Variants in CADPS2 observed in about 807,000 individuals in gnomAD.
CADPS2 encodes calcium-dependent secretion activator 2.
CADPS2 carries 93 observed loss-of-function variants against 172.5 expected under a neutral mutation model. The ratio of observed to expected loss-of-function variants is 0.54; its 90% CI spans 0.46 to 0.64. The LOEUF is 0.64. Among genes scored for constraint, CADPS2 ranks in the 30% least tolerant of loss-of-function variants. The pLI, the probability that CADPS2 is intolerant of heterozygous loss-of-function variation, is 0.00. For synonymous variants in CADPS2, 546 were observed against 555.2 expected (o/e 0.98, Z 0.23); for missense variants, 1,420 against 1,565.9 (o/e 0.91, Z 1.57).
chr7:122,640,790 C>T (rs1054578312), intron 3 of CADPS2, among the ~76,000 whole-genome samples: 13 of 151,914 alleles, frequency 8.6e-5, no homozygotes, highest in Non-Finnish European at 1.6e-4. Context: ...AAAAATTAGC[C>T]GGACTTGGCG....
intron 1 of CADPS2, among the ~76,000 whole-genome samples, chr7:122,759,002 A>G (rs1355945855): frequency 2.0e-5 from 1 of 50,932 alleles, no homozygotes; most frequent in Non-Finnish European, 3.2e-5. Context: ...TTATTTCAGG[A>G]AAAAAAAAAA....
intron 1 of CADPS2, among the ~76,000 whole-genome samples, chr7:122,784,589 A>C (rs1023998360): frequency 2.6e-5 from 4 of 152,238 alleles, no homozygotes; most frequent in Non-Finnish European, 4.4e-5. Context: ...AGTTGAAAGT[A>C]AGATTCTTGG....
chr7:122,806,604 A>G (rs576256481), intron 1 of CADPS2, among the ~76,000 whole-genome samples: 6 of 152,360 alleles, frequency 3.9e-5, no homozygotes, highest in African/African-American at 1.4e-4. Flanking sequence ...TCTTTCTCTC[A>G]CAGCTTAACA....
At chr7:122,700,977 T>C (rs2085960765) in intron 2 of CADPS2, among the ~76,000 whole-genome samples, 1 of 152,102 alleles carries the variant, frequency 6.6e-6, no homozygotes, top group African/African-American at 2.4e-5. Context: ...GGAAACTAGA[T>C]TTCCTGGGTA....
At chr7:122,681,401 C>A in intron 2 of CADPS2, 1 of 1,499,008 alleles carries the variant, frequency 6.7e-7, no homozygotes, top group Non-Finnish European at 9.2e-7. Context: ...GTGCCCGATG[C>A]GTGCCCAAGG....
intron 2 of CADPS2, among the ~76,000 whole-genome samples, chr7:122,717,054 T>C (rs532151024): frequency 1.3e-5 from 2 of 152,306 alleles, no homozygotes; most frequent in East Asian, 3.9e-4. Flanking sequence ...ATGAGCTAAA[T>C]GGCAAAACAA....
chr7:122,544,655 C>T (rs2131719214), intron 8 of CADPS2, among the ~76,000 whole-genome samples: 1 of 152,186 alleles, frequency 6.6e-6, no homozygotes, highest in Admixed American at 6.5e-5. Flanking sequence ...CCATGTGTGT[C>T]CTCATGGTGA....
intron 2 of CADPS2, among the ~76,000 whole-genome samples, chr7:122,719,567 A>G (rs1002836761): frequency 3.3e-5 from 5 of 152,162 alleles, no homozygotes; most frequent in Non-Finnish European, 7.4e-5. Context: ...GGTTAAGTGT[A>G]TTTAATACTT....
intron 14 of CADPS2, among the ~76,000 whole-genome samples, chr7:122,464,266 A>G (rs1456913235): frequency 1.3e-5 from 2 of 152,230 alleles, no homozygotes; most frequent in Non-Finnish European, 2.9e-5. Context: ...TTCAATAGCT[A>G]CAGCAGGAAC....
At chr7:122,355,582 T>TAA (rs11348437) in intron 27 of CADPS2, among the ~76,000 whole-genome samples, 1 of 142,346 alleles carries the variant, frequency 7.0e-6, no homozygotes, top group Non-Finnish European at 1.5e-5. Context: ...GCTGTCTTAT[T>TAA]AAAAAAAAAA....
chr7:122,788,586 A>G (rs2139609671), intron 1 of CADPS2, among the ~76,000 whole-genome samples: 1 of 152,252 alleles, frequency 6.6e-6, no homozygotes, highest in South Asian at 2.1e-4. Flanking sequence ...TTTTCCTTTG[A>G]TTATTGAGCA....
intron 6 of CADPS2, among the ~76,000 whole-genome samples, chr7:122,593,516 G>A (rs2071242069): frequency 6.6e-6 from 1 of 151,950 alleles, no homozygotes; most frequent in Non-Finnish European, 1.5e-5. Flanking sequence ...TACATTTGAG[G>A]CATCAATGAA....
chr7:122,612,009 C>G (rs1040611464), intron 6 of CADPS2, among the ~76,000 whole-genome samples: 6 of 151,960 alleles, frequency 3.9e-5, no homozygotes, highest in Admixed American at 3.9e-4. Flanking sequence ...AAATCAAACA[C>G]CTTTTCATTA....
chr7:122,854,197 A>G (rs1814526893), intron 1 of CADPS2, among the ~76,000 whole-genome samples: 1 of 152,082 alleles, frequency 6.6e-6, no homozygotes, highest in Non-Finnish European at 1.5e-5. Flanking sequence ...TGGTCTCCAC[A>G]AAAAATACAA....
chr7:122,686,128 T>G (rs2083585585), intron 2 of CADPS2, among the ~76,000 whole-genome samples: 1 of 152,216 alleles, frequency 6.6e-6, no homozygotes, highest in Non-Finnish European at 1.5e-5. Flanking sequence ...TCTCTTCCAG[T>G]GTGGACTGCC....
At chr7:122,624,389 T>C (rs1203818229) in intron 4 of CADPS2, among the ~76,000 whole-genome samples, 2 of 152,158 alleles carry the variant, frequency 1.3e-5, no homozygotes, top group Admixed American at 1.3e-4. Flanking sequence ...TTTCTCATTA[T>C]TCAAATATAG....
chr7:122,645,410 CACACATGTATATGTGTGTAT>C lies in CADPS2; in HGVS notation c.787-16102_787-16083del, dbSNP rs1359248834. Among the ~76,000 whole-genome samples, 104 of 28,432 alleles carry C rather than the reference CACACATGTATATGTGTGTAT, an allele frequency of 3.7e-3. 5 individuals are homozygous for C. Among genetic ancestry groups the C allele is most frequent in the South Asian group, 8.0e-3 (4 of 500 alleles). 18.7% of individuals were successfully genotyped at this position (28,432 alleles called of 152,430 possible). ...ATGTGTGTGTATATATGTACATATA[CACACATGTATATGTGTGTAT>C]ATATGTATATATACACACACATATG... On this transcript the variant is annotated intron_variant, in intron 3 of 29. Transcript: ENST00000449022.
intron 1 of CADPS2, among the ~76,000 whole-genome samples, chr7:122,878,330 G>T (rs1037618314): frequency 6.7e-6 from 1 of 149,488 alleles, no homozygotes; most frequent in African/African-American, 2.5e-5. Context: ...ACACATTAGA[G>T]AGGGAAATAA....
intron 1 of CADPS2, among the ~76,000 whole-genome samples, chr7:122,779,822 C>T (rs948162610): frequency 6.6e-6 from 1 of 152,124 alleles, no homozygotes; most frequent in East Asian, 1.9e-4. Flanking sequence ...TATCATGCTC[C>T]AATATCTTGC....
Sources: allele counts gnomAD v4.1 joint callset (sites outside exome capture counted in the v4.1 genomes callset), GRCh38; gene constraint gnomAD v4.1.1; transcripts MANE v1.5; gene names NCBI Gene and HGNC (gene_info 2026-07-23, HGNC 2026-07-21).